NIPAL3: variants seen among roughly 807,000 people sequenced by gnomAD.
The protein encoded by NIPAL3 is NIPA-like protein 3.
In NIPAL3, 41 loss-of-function variants were observed where a neutral mutation model predicts 47.2. The ratio of observed to expected loss-of-function variants is 0.87; its 90% CI spans 0.68 to 1.13. NIPAL3 has a LOEUF of 1.13. NIPAL3 is among the 50% of genes most tolerant of loss of function. The pLI, the probability that NIPAL3 is intolerant of heterozygous loss-of-function variation, is 0.00. For synonymous variants in NIPAL3, 194 were observed against 209.6 expected, an observed-to-expected ratio of 0.93 and a Z score of 0.64; for missense variants, 449 against 530.1, an observed-to-expected ratio of 0.85 and a Z score of 1.50.
At position 24,442,053 on chromosome 1, in the gene NIPAL3, A is replaced by C; in HGVS notation, c.163-2A>C. Reference sequence around the variant, plus strand: ...AAATTGCATTATTTCTCGGGTTTCTAGAAGTACTGCCACATCCGCCTGGCA... The same window carrying C: ...AAATTGCATTATTTCTCGGGTTTCTCGAAGTACTGCCACATCCGCCTGGCA... On this transcript the variant is annotated splice_acceptor_variant, in intron 3 of 11. Transcript: ENST00000374399. LOFTEE classifies it high-confidence loss of function. 1.9e-6 allele frequency: 3 copies of C among 1,612,776 alleles called. No homozygotes were observed. The highest frequency in any genetic ancestry group is 1.7e-6 in the Non-Finnish European group (2 of 1,179,230).
intron 10 of NIPAL3, among the ~76,000 whole-genome samples, chr1:24,462,434 T>C (rs1646512920): frequency 6.6e-6 from 1 of 152,174 alleles, no homozygotes; most frequent in Non-Finnish European, 1.5e-5. Context: ...AGGAAAAACA[T>C]AGTATATTCA....
rs193068564 is a variant in NIPAL3, at chr1:24,445,429, C to T, written c.394+185C>T. 5.0e-3 allele frequency among the ~76,000 whole-genome samples: 766 copies of T among 152,266 alleles called. 3 individuals carry two copies. The highest frequency in any genetic ancestry group is 8.2e-3 in the Non-Finnish European group (559 of 68,014). On this transcript the variant is annotated intron_variant, in intron 5 of 11. Transcript: ENST00000374399. ...CAGGGGTTCTCAAGCCTGGCCACACCTCAGAATCATCGGTGAGGCTTTTAA... is the reference window on the plus strand; with the variant it reads ...CAGGGGTTCTCAAGCCTGGCCACACTTCAGAATCATCGGTGAGGCTTTTAA...
intron 4 of NIPAL3, among the ~76,000 whole-genome samples, chr1:24,444,433 CATT>C (rs1393260630): frequency 6.6e-6 from 1 of 152,170 alleles, no homozygotes; most frequent in Non-Finnish European, 1.5e-5. Flanking sequence ...ATGGTATAGA[CATT>C]ATCACTCCCA....
chr1:24,450,365 T>G (rs548217011), intron 6 of NIPAL3, among the ~76,000 whole-genome samples: 4 of 152,146 alleles, frequency 2.6e-5, no homozygotes, highest in Admixed American at 6.5e-5. Flanking sequence ...TGTAAACCAT[T>G]TAAGAATGTT....
At chr1:24,453,286 A>T (rs1196991071) in intron 6 of NIPAL3, 122 bp from the exon 7 acceptor site, 1 of 665,706 alleles carries the variant, frequency 1.5e-6, no homozygotes, top group Non-Finnish European at 2.7e-6. Flanking sequence ...GAAATGCTGA[A>T]TCATAGCTCA....
Position 24,449,409 on chromosome 1 carries a change from A to T in NIPAL3, c.395-72A>T, listed in dbSNP as rs1458012687. 3 of 1,494,344 alleles carry T rather than the reference A, an allele frequency of 2.0e-6. No homozygotes were observed. The highest frequency in any genetic ancestry group is 2.7e-6 in the Non-Finnish European group (3 of 1,104,308). The allele number at this position is 1,494,344 out of a possible 1,614,324, so 92.6% of individuals were successfully genotyped here. A position where few individuals can be genotyped will look rare whatever the true frequency, so the allele number is the denominator to read the frequency against. On this transcript the variant is annotated intron_variant, in intron 5 of 11. Transcript: ENST00000374399. This position sits in a 1 kb window ranked among gnomAD's most constrained non-coding sequence, Gnocchi z 4.5. ...TGTTGCAGGAGAAGCCTGTTTTTTC[A>T]TGGCTGAGAACGTGTACTGTATCTT...
intron 8 of NIPAL3, among the ~76,000 whole-genome samples, chr1:24,457,229 A>G (rs1646255131): frequency 6.6e-6 from 1 of 152,140 alleles, no homozygotes; most frequent in Non-Finnish European, 1.5e-5. Flanking sequence ...TCACCTCCAA[A>G]TCTTCCTGAG....
intron 2 of NIPAL3, among the ~76,000 whole-genome samples, chr1:24,422,970 C>T (rs577065535): frequency 2.2e-4 from 33 of 152,162 alleles, no homozygotes; most frequent in Admixed American, 3.9e-4. Flanking sequence ...ATGTTACTGA[C>T]GCCCTAATCA....
chr1:24,465,229 C>T (rs892015206), intron 11 of NIPAL3: 2 of 119,302 alleles, frequency 1.7e-5, no homozygotes, highest in South Asian at 2.6e-4. Flanking sequence ...ACTTTTTAAA[C>T]GTCTAATCTG....
At chr1:24,437,188 T>G (rs367795607) in intron 2 of NIPAL3, among the ~76,000 whole-genome samples, 3 of 151,510 alleles carry the variant, frequency 2.0e-5, no homozygotes, top group Non-Finnish European at 2.9e-5. Flanking sequence ...GGAGGTGGAG[T>G]TTGCAGTGAG....
At position 24,451,946 on chromosome 1, in the gene NIPAL3, A is replaced by T. The variant is rs908032874; in HGVS notation, c.541-1462A>T. 6.6e-6 allele frequency among the ~76,000 whole-genome samples: 1 copy of T among 152,244 alleles called. No homozygotes were observed. The highest frequency in any genetic ancestry group is 1.5e-5 in the Non-Finnish European group (1 of 68,044). On this transcript the variant is annotated intron_variant, in intron 6 of 11. Coordinates refer to ENST00000374399, the MANE Select transcript of NIPAL3 (RefSeq NM_020448.5). The surrounding 1 kb of genome is among the most constrained non-coding windows in gnomAD (Gnocchi z 4.5). The stretch of plus-strand genomic sequence containing the variant: ...TGACAACTCGTTAAAATATGGATTC[A>T]CTGGAACAAAGACAAAGAAGAAACG...
intron 2 of NIPAL3, among the ~76,000 whole-genome samples, chr1:24,434,580 A>G (rs1645017109): frequency 6.6e-6 from 1 of 152,194 alleles, no homozygotes; most frequent in Non-Finnish European, 1.5e-5. Flanking sequence ...ACTGTAAAGC[A>G]ACTAGACCTG....
chr1:24,453,773 A>G (rs1405266791), intron 7 of NIPAL3, among the ~76,000 whole-genome samples: 2 of 152,158 alleles, frequency 1.3e-5, no homozygotes, highest in South Asian at 2.1e-4. Flanking sequence ...GGCAATAACA[A>G]TTCCAATGAG....
chr1:24,419,721 T>A (rs1570162738), intron 2 of NIPAL3, 81 bp downstream of exon 2: 1 of 1,212,006 alleles, frequency 8.3e-7, no homozygotes, highest in Non-Finnish European at 1.2e-6. Flanking sequence ...CTAACAGATA[T>A]GTATGGGGTC....
chr1:24,424,427 C>G (rs553721044), intron 2 of NIPAL3, among the ~76,000 whole-genome samples: 1 of 152,170 alleles, frequency 6.6e-6, no homozygotes. Context: ...ATATGTGACT[C>G]AGAAATGCCA....
rs149902560 is a variant in NIPAL3, at chr1:24,442,210, C to G, written c.318C>G (p.Ser106Arg). The change falls in exon 4 of 12, where the codon AGC becomes AGG. Residue 106 changes from serine to arginine, a missense_variant. Coordinates refer to ENST00000374399, the MANE Select transcript of NIPAL3 (RefSeq NM_020448.5). The part of the protein sequence containing the change: ...FAPLSLIVPL[S>R]AVSVIASAII... ...CGCTGTCACTCATCGTGCCCCTCAG[C>G]GCAGTTTCTGTGATAGGTAAGACCA... The G allele has an allele frequency of 6.2e-7, 1 of 1,613,954 alleles. No individual in the cohort carries two copies. The highest frequency in any genetic ancestry group is 8.5e-7 in the Non-Finnish European group (1 of 1,179,992).
At chr1:24,462,938 C>G (rs1395537450) in intron 10 of NIPAL3, among the ~76,000 whole-genome samples, 1 of 152,140 alleles carries the variant, frequency 6.6e-6, no homozygotes, top group African/African-American at 2.4e-5. Flanking sequence ...AACCCCATCT[C>G]TACTAAAAAT....
At chr1:24,425,840 C>T (rs1273590452) in intron 2 of NIPAL3, among the ~76,000 whole-genome samples, 2 of 152,274 alleles carry the variant, frequency 1.3e-5, no homozygotes, top group East Asian at 3.9e-4. Flanking sequence ...CTGCTTCTGC[C>T]TTCGGAAATC....
rs1300998594 is a variant in NIPAL3, at chr1:24,471,800, C to CA, written c.*2621dup. On this transcript the variant is annotated 3_prime_UTR_variant, in exon 12 of 12. Transcript: ENST00000374399. Reference sequence around the variant, plus strand: ...GTTACCTTCTCCGAGCCTGCAAGAACAAAAAACAAAAAGCAGAAATTAAAA... The same window carrying CA: ...GTTACCTTCTCCGAGCCTGCAAGAACAAAAAAACAAAAAGCAGAAATTAAAA... The CA allele has an allele frequency of 2.6e-5, 4 of 151,730 alleles. No homozygotes were observed. Among genetic ancestry groups the CA allele is most frequent in the Admixed American group, 6.6e-5 (1 of 15,232 alleles). 9.4% of individuals were successfully genotyped at this position (151,730 alleles called of 1,614,324 possible).
Sources: gnomAD v4.1 joint callset for allele counts (sites outside exome capture counted in the v4.1 genomes callset) on GRCh38, gnomAD v4.1.1 for gene constraint, Gnocchi (gnomAD v3.1) non-coding constraint, MANE v1.5 for transcripts, NCBI Gene and HGNC (gene_info 2026-07-23, HGNC 2026-07-21) for gene names.